KIRREL3: variants seen among roughly 807,000 people sequenced by gnomAD.
The protein encoded by KIRREL3 is kin of IRRE-like protein 3.
A neutral mutation model predicts 89.7 loss-of-function variants in KIRREL3; 36 were observed. That is an observed-to-expected ratio of 0.40 (90% CI 0.31 to 0.53). KIRREL3 has a LOEUF of 0.53. Ranked by LOEUF, KIRREL3 falls within the 20% of genes least tolerant of loss-of-function variation. The probability of loss-of-function intolerance (pLI) is 0.49; values close to 1 mark genes in which losing one functional copy is unlikely to be tolerated. For missense variants in KIRREL3, 864 were observed against 1,056.6 expected (o/e 0.82, Z 2.53); for synonymous variants, 445 against 441.4 (o/e 1.01, Z -0.10).
intron 1 of KIRREL3, among the ~76,000 whole-genome samples, chr11:126,637,664 T>C (rs1043267636): frequency 7.2e-5 from 11 of 152,318 alleles, no homozygotes; most frequent in Admixed American, 2.0e-4. Flanking sequence ...ATGGAGAACC[T>C]AAGAGAACCT....
rs1951079694 is a variant in KIRREL3, at chr11:126,802,735, A to G, written c.55+197720T>C. Among the ~76,000 whole-genome samples the G allele has an allele frequency of 6.6e-6, 1 of 152,230 alleles. No individual in the cohort carries two copies. The highest frequency in any genetic ancestry group is 2.4e-5 in the African/African-American group (1 of 41,470). ...AGTAATTATCCTACTCTTTAAATCA[A>G]TCTTTCTTAAATGTATGTATAGATC... On this transcript the variant is annotated intron_variant, in intron 1 of 16. Coordinates refer to ENST00000525144, the MANE Select transcript of KIRREL3 (RefSeq NM_032531.4). The surrounding 1 kb of genome is among the most constrained non-coding windows in gnomAD (Gnocchi z 5.2).
At position 126,501,809 on chromosome 11, in the gene KIRREL3, A is replaced by T. The variant is rs1410346683; in HGVS notation, c.433+19506T>A. Among the ~76,000 whole-genome samples the T allele has an allele frequency of 6.6e-6, 1 of 151,948 alleles. No individual in the cohort carries two copies. The highest frequency in any genetic ancestry group is 2.4e-5 in the African/African-American group (1 of 41,358). ...TGTTCCTAGTTCAACCCCCACCCAC[A>T]TTGTGAGCTCCCTGAAGGCAGGTCC... is the stretch of plus-strand genomic sequence containing the variant. On this transcript the variant is annotated intron_variant, in intron 4 of 16. Coordinates refer to ENST00000525144, the MANE Select transcript of KIRREL3 (RefSeq NM_032531.4). The surrounding 1 kb of genome is among the most constrained non-coding windows in gnomAD (Gnocchi z 5.8).
At chr11:126,863,526 TGTGTGAGTGC>T (rs1336820924) in intron 1 of KIRREL3, among the ~76,000 whole-genome samples, 14 of 149,464 alleles carry the variant, frequency 9.4e-5, no homozygotes, top group Admixed American at 2.7e-4. Flanking sequence ...TTTGAGTGCG[TGTGTGAGTGC>T]GTGTGAGTGT....
At chr11:126,457,359 C>G (rs1227033960) in intron 6 of KIRREL3, among the ~76,000 whole-genome samples, 7 of 126,938 alleles carry the variant, frequency 5.5e-5, no homozygotes, top group South Asian at 5.1e-4. Context: ...ATGTATGTCT[C>G]TGTGTGTATG....
At chr11:126,690,450 A>G (rs1284649905) in intron 1 of KIRREL3, among the ~76,000 whole-genome samples, 1 of 151,874 alleles carries the variant, frequency 6.6e-6, no homozygotes, top group East Asian at 1.9e-4. Context: ...AATGATGGGA[A>G]GTCACCTCCC....
At chr11:126,829,124 A>T (rs950144408) in intron 1 of KIRREL3, among the ~76,000 whole-genome samples, 6 of 152,224 alleles carry the variant, frequency 3.9e-5, no homozygotes, top group Non-Finnish European at 8.8e-5. Context: ...CTGAGGGGAC[A>T]TCCATGGTGC....
At position 126,922,163 on chromosome 11, in the gene KIRREL3, CTA is replaced by C. The variant is rs1565421128; in HGVS notation, c.55+78290_55+78291del. Among the ~76,000 whole-genome samples the C allele has an allele frequency of 1.7e-3, 254 of 151,244 alleles. 1 individual carries two copies. The highest frequency in any genetic ancestry group is 5.8e-3 in the African/African-American group (239 of 41,222). ...TCTATCTATCTATCTATCTATCTAT[CTA>C]TCTATCTATCTCTATCATCTTTTGG... On this transcript the variant is annotated intron_variant, in intron 1 of 16. Transcript: ENST00000525144.
chr11:126,821,721 A>G (rs760559003), intron 1 of KIRREL3, among the ~76,000 whole-genome samples: 34 of 151,634 alleles, frequency 2.2e-4, no homozygotes, highest in African/African-American at 5.8e-4. Context: ...CGGTGGCCCA[A>G]TGTAATCACA....
chr11:126,465,686 C>A (rs1307302663), intron 5 of KIRREL3, among the ~76,000 whole-genome samples: 1 of 152,148 alleles, frequency 6.6e-6, no homozygotes, highest in East Asian at 1.9e-4. Flanking sequence ...AGGGTGCCAG[C>A]CACGGCCCTG....
In KIRREL3 at chr11:126,614,399, C is replaced by T. The variant is rs542328926; in HGVS notation, c.56-51487G>A. On this transcript the variant is annotated intron_variant, in intron 1 of 16. Coordinates refer to ENST00000525144, the MANE Select transcript of KIRREL3 (RefSeq NM_032531.4). This position sits in a 1 kb window ranked among gnomAD's most constrained non-coding sequence, Gnocchi z 4.6. ...ATTCTTTGCGCTGTTTTCTCAAGTGCAAAAGGAAAGGTTGAACTAAGATGG... is the reference window on the plus strand; with the variant it reads ...ATTCTTTGCGCTGTTTTCTCAAGTGTAAAAGGAAAGGTTGAACTAAGATGG... Among the ~76,000 whole-genome samples, 4 of 152,162 alleles carry T rather than the reference C, an allele frequency of 2.6e-5. No individual in the cohort carries two copies. The highest frequency in any genetic ancestry group is 4.8e-5 in the African/African-American group (2 of 41,500).
rs548914010 is a variant in KIRREL3 at position 126,695,633 on chromosome 11, C to T, written c.56-132721G>A. ...TGCATTGACTCCTGCTCCAGGATGA[C>T]GAGGGCCAATTCCTTGATGAAGGGC... On this transcript the variant is annotated intron_variant, in intron 1 of 16. Coordinates refer to ENST00000525144, the MANE Select transcript of KIRREL3 (RefSeq NM_032531.4). Among the ~76,000 whole-genome samples the T allele has an allele frequency of 1.0e-3, 156 of 152,152 alleles. 4 individuals are homozygous for T. In the South Asian group the frequency reaches 0.032, roughly 31 times the overall value.
chr11:126,584,866 G>T (rs1306331096), intron 1 of KIRREL3, among the ~76,000 whole-genome samples: 3 of 152,072 alleles, frequency 2.0e-5, no homozygotes, highest in Non-Finnish European at 4.4e-5. Context: ...CATCTGTAGA[G>T]CTCTCTGGAG....
At chr11:126,753,219 A>G (rs1018799740) in intron 1 of KIRREL3, among the ~76,000 whole-genome samples, 4 of 152,204 alleles carry the variant, frequency 2.6e-5, no homozygotes, top group Non-Finnish European at 4.4e-5. Flanking sequence ...TCCTTACACC[A>G]GAGGAGGCCT....
rs1438241238 is a variant in KIRREL3, at chr11:126,744,578, C to T, written c.56-181666G>A. On this transcript the variant is annotated intron_variant, in intron 1 of 16. Coordinates refer to ENST00000525144, the MANE Select transcript of KIRREL3 (RefSeq NM_032531.4). This position sits in a 1 kb window ranked among gnomAD's most constrained non-coding sequence, Gnocchi z 4.7. ...CAATTTTCAAAGTGTGTATCTGGAA[C>T]AATACAGAACAGACAGAGCCACTAA... is the stretch of plus-strand genomic sequence containing the variant. Among the ~76,000 whole-genome samples the T allele has an allele frequency of 6.6e-6, 1 of 152,152 alleles. No homozygotes were observed. Among genetic ancestry groups the T allele is most frequent in the African/African-American group, 2.4e-5 (1 of 41,426 alleles).
At position 126,645,932 on chromosome 11, in the gene KIRREL3, C is replaced by A. The variant is rs2134950865; in HGVS notation, c.56-83020G>T. On this transcript the variant is annotated intron_variant, in intron 1 of 16. Transcript: ENST00000525144. This position sits in a 1 kb window ranked among gnomAD's most constrained non-coding sequence, Gnocchi z 4.9. ...CTTCTCCCAGAGATTTATGTTTAAA[C>A]AGTAAATTTTTTGTTGATACTCAAA... Among the ~76,000 whole-genome samples, 1 of 152,266 alleles carries A rather than the reference C, an allele frequency of 6.6e-6. No homozygotes were observed. Among genetic ancestry groups the A allele is most frequent in the South Asian group, 2.1e-4 (1 of 4,820 alleles).
chr11:126,680,595 G>T (rs1946409432), intron 1 of KIRREL3, among the ~76,000 whole-genome samples: 2 of 151,982 alleles, frequency 1.3e-5, no homozygotes, highest in African/African-American at 4.8e-5. Context: ...CAAGGACTGG[G>T]GTTTAAACAT....
chr11:126,774,649 G>C (rs1950118724), intron 1 of KIRREL3, among the ~76,000 whole-genome samples: 1 of 152,112 alleles, frequency 6.6e-6, no homozygotes, highest in South Asian at 2.1e-4. Context: ...GCCTTCCCCA[G>C]GGCAGAGGAG....
At position 126,563,899 on chromosome 11, in the gene KIRREL3, C is replaced by T. The variant is rs191659570; in HGVS notation, c.56-987G>A. On this transcript the variant is annotated intron_variant, in intron 1 of 16. Transcript: ENST00000525144. This position sits in a 1 kb window ranked among gnomAD's most constrained non-coding sequence, Gnocchi z 6.8. The stretch of plus-strand genomic sequence containing the variant: ...CCCCCAAACAACTCACTGAGGTGGG[C>T]ATATGGGCCACTGCAACTGACATTA... Among the ~76,000 whole-genome samples the T allele has an allele frequency of 4.6e-5, 7 of 152,258 alleles. No individual in the cohort carries two copies. The highest frequency in any genetic ancestry group is 2.1e-4 in the South Asian group (1 of 4,822).
intron 1 of KIRREL3, among the ~76,000 whole-genome samples, chr11:126,787,227 C>T (rs1950512141): frequency 6.6e-6 from 1 of 152,164 alleles, no homozygotes; most frequent in African/African-American, 2.4e-5. Context: ...TGTATTTTCT[C>T]TTCCCCTATG....
Sources: allele counts gnomAD v4.1 joint callset (sites outside exome capture counted in the v4.1 genomes callset), GRCh38; gene constraint gnomAD v4.1.1; non-coding constraint Gnocchi (gnomAD v3.1); transcripts MANE v1.5; gene names NCBI Gene and HGNC (gene_info 2026-07-23, HGNC 2026-07-21).